CALN1: variants seen among roughly 807,000 people sequenced by gnomAD.
CALN1 encodes the protein calneuron 1.
Under a neutral mutation model 30.6 loss-of-function variants are expected in CALN1, and 17 were observed. The observed-to-expected ratio is 0.56, with a 90% CI of 0.38 to 0.83. CALN1 has a LOEUF of 0.83. CALN1 is among the 40% of genes least tolerant of loss of function. The pLI, the probability that CALN1 is intolerant of heterozygous loss-of-function variation, is 0.00. For missense variants in CALN1, 291 were observed against 354.9 expected (o/e 0.82, Z 1.45); for synonymous variants, 156 against 131.4 (o/e 1.19, Z -1.28).
chr7:72,501,901 T>A, the CALN1 span, among the ~76,000 whole-genome samples: 1 of 90,304 alleles, frequency 1.1e-5, no homozygotes, highest in Non-Finnish European at 1.9e-5. Flanking sequence ...AGAGCGAGAT[T>A]TCGTCTCAAA....
chr7:72,497,048 C>T, the CALN1 span, among the ~76,000 whole-genome samples: 1 of 152,014 alleles, frequency 6.6e-6, no homozygotes, highest in East Asian at 1.9e-4. Context: ...AACGTCTGTG[C>T]ATGGAGGAAA....
chr7:72,090,866 TA>T (rs1201631323), intron 4 of CALN1, among the ~76,000 whole-genome samples: 7 of 152,014 alleles, frequency 4.6e-5, no homozygotes, highest in South Asian at 2.1e-4. Context: ...TATGGTAGCT[TA>T]AAAAAAATAT....
chr7:72,441,815 C>T (rs1428189148), intron 1 of CALN1, among the ~76,000 whole-genome samples: 2 of 152,028 alleles, frequency 1.3e-5, no homozygotes, highest in Admixed American at 1.3e-4. Flanking sequence ...CTTCCATCTC[C>T]TGATGATCTC....
rs1554319582 is a variant in CALN1 at position 72,205,551 on chromosome 7, A to ATATATATACATACATATATAT, written c.244+73134_244+73135insATATATATGTATGTATATATA. On this transcript the variant is annotated intron_variant, in intron 3 of 6. Transcript: ENST00000395275. ...ATTTTTCTCCTGATTGCAAAAAAAA[A>ATATATATACATACATATATAT]ATATATATATATATATGTATATATA... Among the ~76,000 whole-genome samples, 12 of 83,040 alleles carry ATATATATACATACATATATAT rather than the reference A, an allele frequency of 1.4e-4. 1 individual carries two copies. The highest frequency in any genetic ancestry group is 8.9e-4 in the African/African-American group (12 of 13,440). 54.5% of individuals were successfully genotyped at this position (83,040 alleles called of 152,430 possible).
intron 5 of CALN1, among the ~76,000 whole-genome samples, chr7:71,874,921 T>C (rs1346716058): frequency 6.6e-6 from 1 of 152,022 alleles, no homozygotes; most frequent in Non-Finnish European, 1.5e-5. Flanking sequence ...TCCCAGCACT[T>C]TGGGAGGCCG....
At chr7:72,413,718 A>G (rs1228134282), upstream of CALN1, among the ~76,000 whole-genome samples, 1 of 152,022 alleles carries the variant, frequency 6.6e-6, no homozygotes, top group East Asian at 1.9e-4. Context: ...ATATACACTT[A>G]CACTTATACA....
chr7:72,334,066 G>A (rs920606805), intron 2 of CALN1, among the ~76,000 whole-genome samples: 1 of 152,180 alleles, frequency 6.6e-6, no homozygotes, highest in Admixed American at 6.5e-5. Flanking sequence ...ACAGCCCCAG[G>A]AAAAGTGATT....
At chr7:72,312,339 G>C (rs1800109069) in intron 2 of CALN1, among the ~76,000 whole-genome samples, 1 of 150,932 alleles carries the variant, frequency 6.6e-6, no homozygotes, top group Admixed American at 6.6e-5. Context: ...AGCAGGCAGA[G>C]GTTGCAGTGA....
chr7:72,502,844 T>G, the CALN1 span, among the ~76,000 whole-genome samples: 4 of 152,144 alleles, frequency 2.6e-5, no homozygotes, highest in African/African-American at 9.7e-5. Context: ...CTTTGCTTGT[T>G]TTCTATAACT....
chr7:72,055,929 G>A (rs1017947013), intron 4 of CALN1, among the ~76,000 whole-genome samples: 10 of 152,188 alleles, frequency 6.6e-5, no homozygotes, highest in African/African-American at 2.2e-4. Context: ...GCTGAGGCAG[G>A]AGGATTGCTT....
At chr7:72,304,310 G>A (rs980116755) in intron 2 of CALN1, among the ~76,000 whole-genome samples, 2 of 152,310 alleles carry the variant, frequency 1.3e-5, no homozygotes, top group East Asian at 3.9e-4. Flanking sequence ...AGGATGGAGA[G>A]ATCCCATTTC....
intron 2 of CALN1, among the ~76,000 whole-genome samples, chr7:72,372,234 G>C (rs1324795846): frequency 1.3e-5 from 2 of 152,130 alleles, no homozygotes; most frequent in Admixed American, 1.3e-4. Context: ...AGTCATGGTG[G>C]TGGGGACAGT....
chr7:72,440,036 G>A (rs370425834), intron 1 of CALN1, among the ~76,000 whole-genome samples: 2 of 152,144 alleles, frequency 1.3e-5, no homozygotes, highest in African/African-American at 2.4e-5. Context: ...TATTCTTTTC[G>A]AATTAAATGC....
At chr7:72,317,570 C>T (rs911469794) in intron 2 of CALN1, among the ~76,000 whole-genome samples, 2 of 152,140 alleles carry the variant, frequency 1.3e-5, no homozygotes, top group Non-Finnish European at 2.9e-5. Context: ...GGGCTGCAAA[C>T]GCTGGAGACA....
chr7:72,281,433 C>T (rs1797727888), intron 2 of CALN1, among the ~76,000 whole-genome samples: 1 of 152,180 alleles, frequency 6.6e-6, no homozygotes, highest in Admixed American at 6.5e-5. Flanking sequence ...GTGATTTCAA[C>T]TTCACCCTCA....
chr7:72,488,777 G>A, the CALN1 span, among the ~76,000 whole-genome samples: 1 of 152,010 alleles, frequency 6.6e-6, no homozygotes, highest in African/African-American at 2.4e-5. Flanking sequence ...TTAATCTCCT[G>A]GGATCAACCC....
chr7:71,816,062 G>A (rs1292121624), intron 5 of CALN1, among the ~76,000 whole-genome samples: 1 of 150,716 alleles, frequency 6.6e-6, no homozygotes, highest in African/African-American at 2.4e-5. Flanking sequence ...TACAGAGAGA[G>A]TCTTGCTATG....
At chr7:72,119,295 A>G (rs901626352) in intron 3 of CALN1, among the ~76,000 whole-genome samples, 2 of 148,418 alleles carry the variant, frequency 1.3e-5, no homozygotes, top group African/African-American at 5.0e-5. Flanking sequence ...ATGGTGGCAG[A>G]AAAGAGAAGA....
At chr7:72,346,534 G>C (rs1802650569) in intron 2 of CALN1, among the ~76,000 whole-genome samples, 1 of 151,718 alleles carries the variant, frequency 6.6e-6, no homozygotes, top group Non-Finnish European at 1.5e-5. Context: ...TTATTTATTT[G>C]AAACGAAATT....
Sources: gnomAD v4.1 joint callset for allele counts (sites outside exome capture counted in the v4.1 genomes callset) on GRCh38, gnomAD v4.1.1 for gene constraint, MANE v1.5 for transcripts, NCBI Gene and HGNC (gene_info 2026-07-23, HGNC 2026-07-21) for gene names.